FRMPD4: variants seen among roughly 807,000 people sequenced by gnomAD.
The protein encoded by FRMPD4 is FERM and PDZ domain containing 4.
In FRMPD4, 22 loss-of-function variants were observed where a neutral mutation model predicts 94.1. The ratio of observed to expected loss-of-function variants is 0.23; its 90% confidence interval spans 0.17 to 0.33. The LOEUF is 0.33. Ranked by LOEUF, FRMPD4 falls within the 10% of genes least tolerant of loss-of-function variation. The pLI is 1.00. For synonymous variants in FRMPD4, 631 were observed against 548.6 expected, an observed-to-expected ratio of 1.15 and a Z score of -2.10; for missense variants, 1,111 against 1,339.9, an observed-to-expected ratio of 0.83 and a Z score of 2.67.
rs377508965 is a variant in FRMPD4 at position 12,718,289 on chromosome X, A to C, written c.3463A>C (p.Thr1155Pro). The change falls in exon 16 of 17, where the codon ACC becomes CCC. Residue 1155 changes from threonine (T) to proline (P), a missense_variant. Physicochemically the swap from Thr to Pro is conservative, Grantham distance 38. Around this residue, in one of 8 missense-constraint regions of FRMPD4, gnomAD observed 551 missense variants for 591.6 expected, o/e 0.93. Coordinates refer to ENST00000675598, the MANE Select transcript of FRMPD4 (RefSeq NM_001368397.1). ...AGGGGACCGCTTCTTAACTGACGTG[A>C]CCTGTGCATCTTCAGCCAAAGACTT... is the stretch of plus-strand genomic sequence containing the variant. Reference protein sequence around the residue: ...GQGDRFLTDVTCASSAKDLDN... With the variant: ...GQGDRFLTDVPCASSAKDLDN... The C allele has an allele frequency of 5.8e-6, 7 of 1,209,664 alleles. No individual in the cohort carries two copies. The South Asian group carries it at 1.2e-4, about 21-fold the overall frequency.
rs192965166 is a variant in FRMPD4, at chrX:12,291,968, C to T, written c.41+152956C>T. ...GCTTGAAAACTCTGCTGTCTGTGGCCTAGGGAATAAAAATTCATAGGCCTG... is the reference window on the plus strand; with the variant it reads ...GCTTGAAAACTCTGCTGTCTGTGGCTTAGGGAATAAAAATTCATAGGCCTG... On this transcript the variant is annotated intron_variant, in intron 1 of 16. Coordinates refer to ENST00000675598, the MANE Select transcript of FRMPD4 (RefSeq NM_001368397.1). Among the ~76,000 whole-genome samples, 26 of 111,847 alleles carry T rather than the reference C, an allele frequency of 2.3e-4. No individual in the cohort carries two copies. In the South Asian group the frequency reaches 4.1e-3, roughly 18 times the overall value.
At chrX:12,321,124 C>G (rs2055201251) in intron 1 of FRMPD4, among the ~76,000 whole-genome samples, 1 of 112,333 alleles carries the variant, frequency 8.9e-6, no homozygotes, top group Non-Finnish European at 1.9e-5. Flanking sequence ...GAGTTTATTG[C>G]TTTGACACTT....
In FRMPD4 at chrX:12,498,577, G is replaced by A. The variant is rs759878367; in HGVS notation, c.42-103G>A. On this transcript the variant is annotated intron_variant, in intron 1 of 16. Transcript: ENST00000675598. The stretch of plus-strand genomic sequence containing the variant: ...TTGTTGCAACGTTAATTGGGGGTTT[G>A]CCCAATCTAAGAGGAGCAAGTCACA... The A allele has an allele frequency of 2.2e-4, 126 of 562,881 alleles. No homozygotes were observed. In the African/African-American group the frequency reaches 2.4e-3, roughly 11 times the overall value. 46.4% of individuals were successfully genotyped at this position (562,881 alleles called of 1,213,427 possible).
chrX:12,505,154 A>G (rs957611976), intron 2 of FRMPD4, among the ~76,000 whole-genome samples: 2 of 112,004 alleles, frequency 1.8e-5, no homozygotes, highest in African/African-American at 6.5e-5. Flanking sequence ...CCAGGTTTCC[A>G]TCACAGCCTG....
At chrX:12,622,114 AAGGAG>A (rs1218035914) in intron 4 of FRMPD4, among the ~76,000 whole-genome samples, 3 of 49,241 alleles carry the variant, frequency 6.1e-5, no homozygotes, top group African/African-American at 1.1e-4. Flanking sequence ...GAGGAGAGGA[AAGGAG>A]AGGAGAGGAG....
chrX:12,640,081 C>T (rs2059480721), intron 4 of FRMPD4, among the ~76,000 whole-genome samples: 1 of 109,935 alleles, frequency 9.1e-6, no homozygotes, highest in Non-Finnish European at 1.9e-5. Context: ...GGTGGATATC[C>T]TGAGCTCAGG....
intron 3 of FRMPD4, among the ~76,000 whole-genome samples, chrX:12,066,298 G>T (rs2054919650): frequency 9.0e-6 from 1 of 111,648 alleles, no homozygotes; most frequent in Non-Finnish European, 1.9e-5. Context: ...AAATGATGTG[G>T]CACTAATATC....
intron 2 of FRMPD4, among the ~76,000 whole-genome samples, chrX:12,519,739 G>T (rs1168546331): frequency 8.9e-5 from 10 of 112,259 alleles, no homozygotes; most frequent in Non-Finnish European, 1.7e-4. Flanking sequence ...TTAAAAATGG[G>T]CAAGGAACTT....
intron 2 of FRMPD4, among the ~76,000 whole-genome samples, chrX:12,502,357 T>G (rs898095552): frequency 8.9e-6 from 1 of 112,053 alleles, no homozygotes; most frequent in Non-Finnish European, 1.9e-5. Flanking sequence ...GATGCAAATT[T>G]AAAATTTCTC....
chrX:12,543,049 A>G (rs1428137518), intron 2 of FRMPD4, among the ~76,000 whole-genome samples: 5 of 112,173 alleles, frequency 4.5e-5, no homozygotes, highest in African/African-American at 1.6e-4. Flanking sequence ...GAGAAAGCTG[A>G]AACTGGATCC....
intron 3 of FRMPD4, among the ~76,000 whole-genome samples, chrX:12,093,888 G>T (rs1241578539): frequency 9.3e-6 from 1 of 107,183 alleles, no homozygotes; most frequent in Non-Finnish European, 1.9e-5. Flanking sequence ...CTAGGACCTA[G>T]AAGACTACTT....
At chrX:12,360,161 C>T (rs1414465029) in intron 1 of FRMPD4, among the ~76,000 whole-genome samples, 1 of 112,381 alleles carries the variant, frequency 8.9e-6, no homozygotes, top group African/African-American at 3.2e-5. Context: ...GTACATACTG[C>T]ACTATACCTT....
At chrX:11,898,660 C>G (rs2053917599) in intron 3 of FRMPD4, among the ~76,000 whole-genome samples, 1 of 112,010 alleles carries the variant, frequency 8.9e-6, no homozygotes, top group Non-Finnish European at 1.9e-5. Flanking sequence ...ACAATTATGA[C>G]TTGTTAATTT....
chrX:12,378,781 CATG>C (rs1293591890), intron 1 of FRMPD4, among the ~76,000 whole-genome samples: 1 of 112,184 alleles, frequency 8.9e-6, no homozygotes, highest in Non-Finnish European at 1.9e-5. Context: ...TACTTTTCCA[CATG>C]ATGATATATT....
intron 2 of FRMPD4, among the ~76,000 whole-genome samples, chrX:12,594,834 T>C (rs960827734): frequency 5.4e-5 from 6 of 111,911 alleles, no homozygotes; most frequent in African/African-American, 1.9e-4. Flanking sequence ...CACTATTTAC[T>C]AGTTTCTTTT....
At chrX:12,571,681 G>A (rs1363512388) in intron 2 of FRMPD4, among the ~76,000 whole-genome samples, 1 of 112,398 alleles carries the variant, frequency 8.9e-6, no homozygotes, top group Non-Finnish European at 1.9e-5. Context: ...ATCTATTCTT[G>A]ACTCATCCCC....
chrX:12,107,870 GA>G (rs374340593), intron 3 of FRMPD4, among the ~76,000 whole-genome samples: 35 of 109,873 alleles, frequency 3.2e-4, no homozygotes, highest in African/African-American at 9.2e-4. Flanking sequence ...GAAGTTTAGA[GA>G]AAAAAAAAGT....
At chrX:12,224,879 A>G (rs1187812463) in intron 1 of FRMPD4, among the ~76,000 whole-genome samples, 1 of 111,867 alleles carries the variant, frequency 8.9e-6, no homozygotes, top group Non-Finnish European at 1.9e-5. Flanking sequence ...GGTTTTTAAT[A>G]TGTATCACCT....
chrX:12,572,555 CT>C, intron 2 of FRMPD4, among the ~76,000 whole-genome samples: 1 of 111,900 alleles, frequency 8.9e-6, no homozygotes, highest in African/African-American at 3.2e-5. Flanking sequence ...AAGCCAGATG[CT>C]TTTTGTTATG....
Sources: allele counts gnomAD v4.1 joint callset (sites outside exome capture counted in the v4.1 genomes callset), GRCh38; gene constraint gnomAD v4.1.1; regional missense constraint gnomAD v4.1.1; transcripts MANE v1.5; gene names NCBI Gene and HGNC (gene_info 2026-07-23, HGNC 2026-07-21).